The following PDE4B variants were observed in gnomAD, a reference collection of about 807,000 sequenced individuals.
PDE4B encodes 3',5'-cyclic-AMP phosphodiesterase 4B.
Under a neutral mutation model 82.2 loss-of-function variants are expected in PDE4B, and 20 were observed. That is an observed-to-expected ratio of 0.24 (90% confidence interval 0.17 to 0.35). The LOEUF (loss-of-function observed/expected upper bound fraction) is 0.35, where lower values mean the gene tolerates loss of function less well. PDE4B is among the 10% of genes least tolerant of loss of function. The pLI is 1.00. For synonymous variants in PDE4B, 320 were observed against 318.9 expected (o/e 1.00, Z -0.04); for missense variants, 655 against 907.2 (o/e 0.72, Z 3.57).
intron 3 of PDE4B, among the ~76,000 whole-genome samples, chr1:65,925,725 C>G (rs1042175757): frequency 6.6e-6 from 1 of 152,060 alleles, no homozygotes; most frequent in East Asian, 1.9e-4. Flanking sequence ...GTCATTGAAA[C>G]ATTATTTGTA....
intron 1 of PDE4B, among the ~76,000 whole-genome samples, chr1:65,803,037 A>G (rs1481617206): frequency 6.6e-6 from 1 of 152,310 alleles, no homozygotes; most frequent in East Asian, 1.9e-4. Context: ...AATGACATAT[A>G]TTAATATTAT....
At chr1:66,208,723 G>A (rs1319501901) in intron 3 of PDE4B, among the ~76,000 whole-genome samples, 2 of 152,014 alleles carry the variant, frequency 1.3e-5, no homozygotes, top group Non-Finnish European at 2.9e-5. Context: ...TTAGTGGAAA[G>A]GTATCACAAA....
intron 1 of PDE4B, among the ~76,000 whole-genome samples, chr1:65,798,417 C>T (rs1334061899): frequency 1.1e-5 from 1 of 88,204 alleles, no homozygotes; most frequent in Non-Finnish European, 1.9e-5. Context: ...CGCCACCGCG[C>T]CCGGCTAATT....
Position 65,834,190 on chromosome 1 carries a change from G to T in PDE4B, c.-71+40942G>T, listed in dbSNP as rs552080196. Among the ~76,000 whole-genome samples the T allele has an allele frequency of 5.3e-5, 8 of 152,214 alleles. No homozygotes were observed. The South Asian group carries it at 1.7e-3, about 32-fold the overall frequency. On this transcript the variant is annotated intron_variant, in intron 1 of 16. Transcript: ENST00000341517. ...CTCCAGAGTAGCTGGGATTACAGGTGTCTGCCGTCATGCCCAGCTAATTTT... is the reference window on the plus strand; with the variant it reads ...CTCCAGAGTAGCTGGGATTACAGGTTTCTGCCGTCATGCCCAGCTAATTTT...
At chr1:66,142,359 A>G (rs375822910) in intron 3 of PDE4B, among the ~76,000 whole-genome samples, 1 of 152,182 alleles carries the variant, frequency 6.6e-6, no homozygotes, top group East Asian at 1.9e-4. Context: ...GCCAGTTTAC[A>G]TGTTGCTTTG....
chr1:66,310,149 C>T (rs188469231), intron 7 of PDE4B, among the ~76,000 whole-genome samples: 1 of 152,190 alleles, frequency 6.6e-6, no homozygotes, highest in Admixed American at 6.5e-5. Context: ...AAGCCCTGTG[C>T]CTTTCTGTAA....
chr1:65,921,216 C>T (rs1647238672), intron 3 of PDE4B, among the ~76,000 whole-genome samples: 1 of 151,862 alleles, frequency 6.6e-6, no homozygotes, highest in South Asian at 2.1e-4. Context: ...GATCCGCCCG[C>T]CTCGGCCTCC....
intron 3 of PDE4B, among the ~76,000 whole-genome samples, chr1:65,967,793 C>T (rs1649917393): frequency 6.6e-6 from 1 of 152,122 alleles, no homozygotes; most frequent in African/African-American, 2.4e-5. Flanking sequence ...ACTGCATGTT[C>T]TCACTCATAA....
intron 3 of PDE4B, among the ~76,000 whole-genome samples, chr1:65,985,385 T>C (rs903184888): frequency 1.3e-5 from 2 of 152,192 alleles, no homozygotes; most frequent in African/African-American, 2.4e-5. Context: ...GGCAATTATT[T>C]ACATTTAAAA....
chr1:66,184,232 G>C (rs960323746), intron 3 of PDE4B, among the ~76,000 whole-genome samples: 1 of 152,084 alleles, frequency 6.6e-6, no homozygotes, highest in Non-Finnish European at 1.5e-5. Flanking sequence ...TCAAGTGTAA[G>C]GTACATGAGA....
In PDE4B at chr1:65,804,368, G is replaced by A. The variant is rs536493181; in HGVS notation, c.-71+11120G>A. ...CAGTAGCTAAGAAGGAACAAAGGTG[G>A]TTAGTTAAGGAGAGCACGTCATACT... On this transcript the variant is annotated intron_variant, in intron 1 of 16. Transcript: ENST00000341517. Among the ~76,000 whole-genome samples, 55 of 152,310 alleles carry A rather than the reference G, an allele frequency of 3.6e-4. No individual in the cohort carries two copies. In the South Asian group the frequency reaches 6.2e-3, roughly 17 times the overall value.
At chr1:66,259,026 C>T (rs1178927328) in intron 6 of PDE4B, among the ~76,000 whole-genome samples, 1 of 152,104 alleles carries the variant, frequency 6.6e-6, no homozygotes, top group East Asian at 1.9e-4. Flanking sequence ...AATGCTGGTG[C>T]TTGGCACTCA....
At chr1:66,033,779 T>C (rs1346553413) in intron 3 of PDE4B, among the ~76,000 whole-genome samples, 1 of 73,458 alleles carries the variant, frequency 1.4e-5, no homozygotes, top group Non-Finnish European at 4.8e-5. Flanking sequence ...TTTCTTTCTT[T>C]CTTTCTTTCT....
chr1:66,261,614 T>C (rs1315858271), intron 6 of PDE4B, among the ~76,000 whole-genome samples: 1 of 152,218 alleles, frequency 6.6e-6, no homozygotes, highest in Non-Finnish European at 1.5e-5. Flanking sequence ...TAAGTCAAGA[T>C]TTCTTTTATC....
chr1:66,001,544 A>T (rs1257925110), intron 3 of PDE4B, among the ~76,000 whole-genome samples: 2 of 152,046 alleles, frequency 1.3e-5, no homozygotes, highest in African/African-American at 4.8e-5. Flanking sequence ...CAACTTGTTT[A>T]TCTGTTCACC....
intron 6 of PDE4B, among the ~76,000 whole-genome samples, chr1:66,265,311 G>C (rs1010620769): frequency 6.6e-6 from 1 of 152,172 alleles, no homozygotes; most frequent in Non-Finnish European, 1.5e-5. Context: ...GAGTCTGGTA[G>C]AAGTTCTGCA....
intron 3 of PDE4B, among the ~76,000 whole-genome samples, chr1:66,189,550 C>G (rs1286307831): frequency 6.6e-6 from 1 of 152,098 alleles, no homozygotes; most frequent in Non-Finnish European, 1.5e-5. Context: ...TCTTTTTTCT[C>G]TATACTTCTC....
chr1:65,876,559 G>C (rs1646646241), intron 1 of PDE4B, among the ~76,000 whole-genome samples: 1 of 152,068 alleles, frequency 6.6e-6, no homozygotes, highest in Non-Finnish European at 1.5e-5. Flanking sequence ...GTCAGTGAGT[G>C]TTTAAATTCT....
chr1:66,239,973 T>C (rs1248428176), intron 3 of PDE4B, among the ~76,000 whole-genome samples: 5 of 152,248 alleles, frequency 3.3e-5, no homozygotes, highest in African/African-American at 1.2e-4. Flanking sequence ...TCTCACCACA[T>C]CAATACCAAA....
Sources: allele counts gnomAD v4.1 joint callset (sites outside exome capture counted in the v4.1 genomes callset), GRCh38; gene constraint gnomAD v4.1.1; transcripts MANE v1.5; gene names NCBI Gene and HGNC (gene_info 2026-07-23, HGNC 2026-07-21).